Variants in ALCAM observed in about 807,000 individuals in gnomAD.
ALCAM encodes the protein CD166 antigen.
In ALCAM, 30 loss-of-function variants were observed where a neutral mutation model predicts 70.9. That is an observed-to-expected ratio of 0.42 (90% CI 0.32 to 0.57). The LOEUF (loss-of-function observed/expected upper bound fraction) is 0.57, where lower values mean the gene tolerates loss of function less well. Ranked by LOEUF, ALCAM falls within the 20% of genes least tolerant of loss-of-function variation. The pLI, the probability that ALCAM is intolerant of heterozygous loss-of-function variation, is 0.11. For synonymous variants in ALCAM, 249 were observed against 242.5 expected (o/e 1.03, Z -0.25); for missense variants, 591 against 695.1 (o/e 0.85, Z 1.68).
chr3:105,401,288 A>C (rs1340439726), intron 1 of ALCAM, among the ~76,000 whole-genome samples: 1 of 152,368 alleles, frequency 6.6e-6, no homozygotes, highest in South Asian at 2.1e-4. Context: ...ATTTACGTCT[A>C]GTATTTGAAA....
At chr3:105,547,697 A>T (rs1940286911) in intron 11 of ALCAM, among the ~76,000 whole-genome samples, 174 bp downstream of exon 11, 1 of 151,370 alleles carries the variant, frequency 6.6e-6, no homozygotes, top group Non-Finnish European at 1.5e-5. Flanking sequence ...CTAACTTCTT[A>T]ATTTTCCTAG....
chr3:105,553,113 G>A, intron 14 of ALCAM: 2 of 981,026 alleles, frequency 2.0e-6, no homozygotes, highest in South Asian at 4.7e-5. Context: ...GTCAACTTGA[G>A]TTTTTAAAAA....
chr3:105,387,061 C>T (rs1935677654), intron 1 of ALCAM, among the ~76,000 whole-genome samples: 1 of 151,420 alleles, frequency 6.6e-6, no homozygotes, highest in Admixed American at 6.6e-5. Flanking sequence ...CGTTATTCTC[C>T]AAATAGAAAT....
chr3:105,419,088 G>C (rs941429517), intron 1 of ALCAM, among the ~76,000 whole-genome samples: 4 of 151,578 alleles, frequency 2.6e-5, no homozygotes, highest in Admixed American at 6.6e-5. Flanking sequence ...AGAAGAAGAT[G>C]CTGTATTATA....
At chr3:105,373,662 T>G (rs1211121266) in intron 1 of ALCAM, among the ~76,000 whole-genome samples, 1 of 152,222 alleles carries the variant, frequency 6.6e-6, no homozygotes. Context: ...TTTACCACAT[T>G]GTATTATGAT....
intron 1 of ALCAM, among the ~76,000 whole-genome samples, chr3:105,374,906 T>A (rs1319474525): frequency 6.6e-6 from 1 of 152,208 alleles, no homozygotes; most frequent in Non-Finnish European, 1.5e-5. Context: ...TAATTGCTCT[T>A]ATGTATACCA....
intron 1 of ALCAM, among the ~76,000 whole-genome samples, chr3:105,452,105 T>A (rs1937443287): frequency 6.6e-6 from 1 of 152,088 alleles, no homozygotes. Context: ...TTTTGGTTTT[T>A]TTTTCTTCCA....
chr3:105,376,925 C>T (rs1421492987), intron 1 of ALCAM, among the ~76,000 whole-genome samples: 1 of 152,064 alleles, frequency 6.6e-6, no homozygotes, highest in African/African-American at 2.4e-5. Context: ...AGGCAAAAAC[C>T]AAGGATTCCT....
intron 1 of ALCAM, among the ~76,000 whole-genome samples, chr3:105,447,726 C>T (rs984088377): frequency 3.9e-5 from 6 of 152,158 alleles, no homozygotes; most frequent in East Asian, 1.9e-4. Context: ...TAAAAAGGTG[C>T]GGGAAGATAA....
intron 1 of ALCAM, among the ~76,000 whole-genome samples, chr3:105,444,260 T>C (rs535743686): frequency 6.6e-6 from 1 of 152,308 alleles, no homozygotes; most frequent in South Asian, 2.1e-4. Flanking sequence ...AGAGATTTAA[T>C]GGACTCACAG....
At chr3:105,520,308 G>T in intron 2 of ALCAM, 141 bp downstream of exon 2, 1 of 563,922 alleles carries the variant, frequency 1.8e-6, no homozygotes. Context: ...AAAATTGTGT[G>T]GAATATGGCA....
intron 1 of ALCAM, among the ~76,000 whole-genome samples, chr3:105,507,085 G>GT: frequency 6.6e-6 from 1 of 152,292 alleles, no homozygotes; most frequent in Admixed American, 6.5e-5. Context: ...TGTATCACTT[G>GT]TTTTTAATTA....
At chr3:105,479,887 A>G (rs1030768190) in intron 1 of ALCAM, among the ~76,000 whole-genome samples, 4 of 152,108 alleles carry the variant, frequency 2.6e-5, no homozygotes, top group African/African-American at 9.7e-5. Context: ...ACGTTATACT[A>G]TGGGAATTCA....
At chr3:105,528,979 CCT>C (rs1939773165) in intron 3 of ALCAM, among the ~76,000 whole-genome samples, 1 of 152,132 alleles carries the variant, frequency 6.6e-6, no homozygotes, top group African/African-American at 2.4e-5. Flanking sequence ...ATCAGCTGCC[CCT>C]GTCTCCAACA....
intron 14 of ALCAM, chr3:105,552,830 A>T (rs756741400): frequency 4.4e-5 from 56 of 1,271,622 alleles, no homozygotes; most frequent in Non-Finnish European, 5.4e-5. Flanking sequence ...CCTGAATTCA[A>T]TTATTTGATT....
intron 2 of ALCAM, among the ~76,000 whole-genome samples, chr3:105,520,772 A>T (rs184357677): frequency 6.6e-6 from 1 of 152,110 alleles, no homozygotes; most frequent in Non-Finnish European, 1.5e-5. Context: ...TGGTAGGGAG[A>T]TGTGGAATGG....
At chr3:105,457,368 G>A (rs1937547950) in intron 1 of ALCAM, among the ~76,000 whole-genome samples, 1 of 152,048 alleles carries the variant, frequency 6.6e-6, no homozygotes, top group Admixed American at 6.5e-5. Flanking sequence ...GAGAACACAT[G>A]GACTTATAGA....
chr3:105,487,192 C>T (rs955255728), intron 1 of ALCAM, among the ~76,000 whole-genome samples: 1 of 152,040 alleles, frequency 6.6e-6, no homozygotes, highest in African/African-American at 2.4e-5. Context: ...GGTCTGTTGT[C>T]ATTTTGGATA....
intron 12 of ALCAM, among the ~76,000 whole-genome samples, chr3:105,551,301 C>T (rs1274835380): frequency 5.9e-5 from 9 of 151,612 alleles, no homozygotes; most frequent in Admixed American, 4.0e-4. Context: ...AGAGAACCTA[C>T]CCTTTCTTCC....
Sources: allele counts gnomAD v4.1 joint callset (sites outside exome capture counted in the v4.1 genomes callset), GRCh38; gene constraint gnomAD v4.1.1; transcripts MANE v1.5; gene names NCBI Gene and HGNC (gene_info 2026-07-23, HGNC 2026-07-21).